Variants in CIB1 observed in about 807,000 individuals in gnomAD.
The protein encoded by CIB1 is calcium and integrin binding 1.
CIB1 carries 19 observed loss-of-function variants against 25.0 expected under a neutral mutation model. That is an observed-to-expected ratio of 0.76 (90% CI 0.53 to 1.12). CIB1 has a LOEUF of 1.12. CIB1 is among the 50% of genes most tolerant of loss of function. The probability of loss-of-function intolerance (pLI) is 0.00; values close to 1 mark genes in which losing one functional copy is unlikely to be tolerated. For synonymous variants in CIB1, 104 were observed against 98.5 expected (o/e 1.06, Z -0.33); for missense variants, 236 against 242.6 (o/e 0.97, Z 0.18).
chr15:90,239,823 GCTGAGGTGAAAGAATCCCTTGAGC>G, the CIB1 span, among the ~76,000 whole-genome samples: 1 of 152,232 alleles, frequency 6.6e-6, no homozygotes. Flanking sequence ...TACTTGGGAT[GCTGAGGTGAAAGAATCCCTTGAGC>G]CTGGGAGGTC....
chr15:90,254,248 T>A, the CIB1 span, among the ~76,000 whole-genome samples: 3 of 147,916 alleles, frequency 2.0e-5, no homozygotes, highest in South Asian at 4.2e-4. Flanking sequence ...TAATCCCAAC[T>A]CTTTGGGAGG....
the CIB1 span, among the ~76,000 whole-genome samples, chr15:90,260,977 C>T: frequency 6.6e-6 from 1 of 152,062 alleles, no homozygotes. Flanking sequence ...GATTCATGCT[C>T]ATAATCAACA....
the CIB1 span, chr15:90,256,181 C>G: frequency 6.2e-7 from 1 of 1,614,152 alleles, no homozygotes; most frequent in Non-Finnish European, 8.5e-7. Flanking sequence ...GCGAAAAGCC[C>G]GCACATATAT....
the CIB1 span, among the ~76,000 whole-genome samples, chr15:90,256,832 C>T: frequency 6.6e-5 from 10 of 152,138 alleles, no homozygotes; most frequent in African/African-American, 2.4e-4. Context: ...GGATCACAGG[C>T]ACCTGCCACC....
the CIB1 span, among the ~76,000 whole-genome samples, chr15:90,239,781 A>T: frequency 6.6e-6 from 1 of 152,190 alleles, no homozygotes; most frequent in East Asian, 1.9e-4. Flanking sequence ...CGATCTCGGC[A>T]GTGCCTGGTG....
chr15:90,253,403 AG>A, the CIB1 span: 1 of 1,521,916 alleles, frequency 6.6e-7, no homozygotes. Context: ...GACAGGGGCT[AG>A]GGCCCCAGAA....
upstream of CIB1, among the ~76,000 whole-genome samples, chr15:90,237,924 C>A (rs1205058013): frequency 1.3e-5 from 2 of 152,074 alleles, no homozygotes; most frequent in Non-Finnish European, 2.9e-5. Flanking sequence ...TACATTTGAT[C>A]ATCAAAATTA....
the CIB1 span, chr15:90,264,021 G>C: frequency 3.2e-5 from 49 of 1,535,878 alleles, no homozygotes; most frequent in Non-Finnish European, 7.0e-6. Context: ...AGGCTGGGAG[G>C]TGCTATTTTT....
the CIB1 span, among the ~76,000 whole-genome samples, chr15:90,253,723 C>T: frequency 1.3e-5 from 2 of 152,178 alleles, no homozygotes; most frequent in African/African-American, 4.8e-5. Flanking sequence ...ATCCAGCCTT[C>T]TAAGCAACTT....
the CIB1 span, among the ~76,000 whole-genome samples, chr15:90,251,114 C>CTTTTTTTT: frequency 2.5e-3 from 259 of 104,646 alleles, 39 homozygotes; most frequent in African/African-American, 8.0e-3. Flanking sequence ...CCTGGTCTGT[C>CTTTTTTTT]TTTTTTTTTT....
At chr15:90,247,877 C>G in the CIB1 span, among the ~76,000 whole-genome samples, 1 of 151,402 alleles carries the variant, frequency 6.6e-6, no homozygotes, top group African/African-American at 2.4e-5. Context: ...TACAGGCGCC[C>G]GCCACCATGC....
chr15:90,250,629 G>A, the CIB1 span: 1 of 1,612,230 alleles, frequency 6.2e-7, no homozygotes, highest in East Asian at 2.2e-5. Context: ...GAATCTGAGA[G>A]AATGGAGCCG....
At chr15:90,240,867 A>G in the CIB1 span, 5 of 1,366,374 alleles carry the variant, frequency 3.7e-6, no homozygotes, top group Admixed American at 9.0e-5. Flanking sequence ...GTGGGTTACC[A>G]TCATGTGTTT....
At chr15:90,241,079 T>C in the CIB1 span, 1 of 1,614,122 alleles carries the variant, frequency 6.2e-7, no homozygotes, top group African/African-American at 1.3e-5. Flanking sequence ...TGCCACAATC[T>C]CCCTTTGATG....
the CIB1 span, chr15:90,258,309 G>A: frequency 1.5e-5 from 24 of 1,577,204 alleles, no homozygotes; most frequent in Non-Finnish European, 2.0e-5. Flanking sequence ...CCAAGGTCCA[G>A]AGGCCTCCTT....
chr15:90,265,616 C>G, the CIB1 span: 24 of 1,492,384 alleles, frequency 1.6e-5, no homozygotes, highest in Non-Finnish European at 1.8e-5. Flanking sequence ...TAACTTGCTA[C>G]TACCCAGCCT....
At chr15:90,260,631 T>C in the CIB1 span, among the ~76,000 whole-genome samples, 1 of 152,054 alleles carries the variant, frequency 6.6e-6, no homozygotes, top group Non-Finnish European at 1.5e-5. Context: ...GGTGGGCGGA[T>C]CAGGAGGTCA....
the CIB1 span, chr15:90,265,657 C>T: frequency 3.1e-6 from 5 of 1,600,898 alleles, no homozygotes; most frequent in South Asian, 2.2e-5. Flanking sequence ...CCGGTCTTAC[C>T]CGGCTACTTC....
chr15:90,262,523 G>A, the CIB1 span: 2 of 1,520,554 alleles, frequency 1.3e-6, no homozygotes, highest in South Asian at 2.4e-5. Context: ...CCTTAAGCAG[G>A]AACAGCAGGA....
Sources: gnomAD v4.1 joint callset for allele counts (sites outside exome capture counted in the v4.1 genomes callset) on GRCh38, gnomAD v4.1.1 for gene constraint, MANE v1.5 for transcripts, NCBI Gene and HGNC (gene_info 2026-07-23, HGNC 2026-07-21) for gene names.